EXOC6B: variants seen among roughly 807,000 people sequenced by gnomAD.
The protein encoded by EXOC6B is SEC15 homolog B.
Under a neutral mutation model 113.5 loss-of-function variants are expected in EXOC6B, and 54 were observed. The observed-to-expected ratio is 0.48, with a 90% CI of 0.38 to 0.60. The LOEUF (loss-of-function observed/expected upper bound fraction) is 0.60. EXOC6B is among the 20% of genes least tolerant of loss of function. The pLI, the probability that EXOC6B is intolerant of heterozygous loss-of-function variation, is 0.00. For synonymous variants in EXOC6B, 357 were observed against 339.0 expected, an observed-to-expected ratio of 1.05 and a Z score of -0.58; for missense variants, 797 against 977.5, an observed-to-expected ratio of 0.82 and a Z score of 2.46.
chr2:72,509,871 T>TC (rs1173402157), intron 11 of EXOC6B, among the ~76,000 whole-genome samples: 1 of 152,198 alleles, frequency 6.6e-6, no homozygotes, highest in South Asian at 2.1e-4. Flanking sequence ...TCTTGCTCTG[T>TC]CACCCAGGCT....
At chr2:72,308,795 C>T (rs1170418322) in intron 20 of EXOC6B, among the ~76,000 whole-genome samples, 1 of 152,042 alleles carries the variant, frequency 6.6e-6, no homozygotes, top group Non-Finnish European at 1.5e-5. Context: ...TCTTAACAGG[C>T]AGGCAGTTCT....
At chr2:72,342,702 G>C (rs1192502162) in intron 19 of EXOC6B, among the ~76,000 whole-genome samples, 1 of 152,138 alleles carries the variant, frequency 6.6e-6, no homozygotes, top group Non-Finnish European at 1.5e-5. Flanking sequence ...AGAATGCTGA[G>C]GTGGGAGGAC....
At chr2:72,693,693 T>G (rs1031002737) in intron 6 of EXOC6B, among the ~76,000 whole-genome samples, 5 of 152,220 alleles carry the variant, frequency 3.3e-5, no homozygotes, top group Admixed American at 6.5e-5. Context: ...TTATTGTGGC[T>G]GCTTTGTACT....
intron 5 of EXOC6B, among the ~76,000 whole-genome samples, chr2:72,720,809 T>C (rs1005968232): frequency 4.0e-5 from 6 of 150,798 alleles, no homozygotes; most frequent in Non-Finnish European, 8.9e-5. Flanking sequence ...TGTATTAATA[T>C]GAGATACAAA....
chr2:72,731,928 G>A (rs1680665892), intron 3 of EXOC6B, among the ~76,000 whole-genome samples: 1 of 152,162 alleles, frequency 6.6e-6, no homozygotes. Flanking sequence ...GAACAGTCAT[G>A]TACTACAAGT....
rs150787435 is a variant in EXOC6B, at chr2:72,204,253, T to C, written c.2197-20066A>G. Reference sequence around the variant, plus strand: ...GAGAAAGTATTGTAGGAGGCCACCGTTGTGGCAAGGCCCTGAATGTATCAG... The same window carrying C: ...GAGAAAGTATTGTAGGAGGCCACCGCTGTGGCAAGGCCCTGAATGTATCAG... On this transcript the variant is annotated intron_variant, in intron 20 of 21. Transcript: ENST00000272427. Among the ~76,000 whole-genome samples the C allele has an allele frequency of 3.7e-3, 558 of 152,270 alleles. 9 individuals are homozygous for C. Among genetic ancestry groups the C allele is most frequent in the African/African-American group, 0.013 (540 of 41,554 alleles).
At chr2:72,623,944 C>T (rs2104210439) in intron 6 of EXOC6B, among the ~76,000 whole-genome samples, 1 of 152,314 alleles carries the variant, frequency 6.6e-6, no homozygotes, top group East Asian at 1.9e-4. Context: ...GATACTGTAC[C>T]TGCAGTTCGT....
intron 11 of EXOC6B, among the ~76,000 whole-genome samples, chr2:72,509,435 C>A (rs1700778242): frequency 6.6e-6 from 1 of 152,028 alleles, no homozygotes; most frequent in African/African-American, 2.4e-5. Context: ...CAATCTCATA[C>A]CCTATGCTAA....
chr2:72,635,545 G>A (rs1041598264), intron 6 of EXOC6B, among the ~76,000 whole-genome samples: 1 of 152,022 alleles, frequency 6.6e-6, no homozygotes, highest in Admixed American at 6.6e-5. Flanking sequence ...CCTATAACTG[G>A]GAAGGAAATT....
chr2:72,370,169 AAAAC>A (rs1690909237), intron 19 of EXOC6B, among the ~76,000 whole-genome samples: 2 of 152,228 alleles, frequency 1.3e-5, no homozygotes, highest in African/African-American at 2.4e-5. Flanking sequence ...TTACAAGAAA[AAAAC>A]AAACAACCCC....
intron 17 of EXOC6B, among the ~76,000 whole-genome samples, chr2:72,475,928 C>T (rs1002399445): frequency 6.6e-6 from 1 of 152,210 alleles, no homozygotes; most frequent in Non-Finnish European, 1.5e-5. Flanking sequence ...CCCCTGGTCA[C>T]TGGCACCTAA....
chr2:72,797,744 G>A (rs1231955969), intron 1 of EXOC6B, among the ~76,000 whole-genome samples: 3 of 152,168 alleles, frequency 2.0e-5, no homozygotes, highest in Non-Finnish European at 4.4e-5. Flanking sequence ...AACCTGGGAG[G>A]CGGAGGTTGT....
intron 8 of EXOC6B, among the ~76,000 whole-genome samples, chr2:72,529,473 C>T (rs1701890586): frequency 6.6e-6 from 1 of 152,130 alleles, no homozygotes; most frequent in South Asian, 2.1e-4. Flanking sequence ...GTATTAACTT[C>T]ATAAAATGAA....
chr2:72,562,808 A>C (rs955919414), intron 7 of EXOC6B, among the ~76,000 whole-genome samples: 1 of 152,166 alleles, frequency 6.6e-6, no homozygotes, highest in Non-Finnish European at 1.5e-5. Context: ...GGAACTCAAG[A>C]CTTTAAGATA....
intron 20 of EXOC6B, among the ~76,000 whole-genome samples, chr2:72,311,014 A>G (rs966770087): frequency 6.6e-6 from 1 of 152,126 alleles, no homozygotes; most frequent in Non-Finnish European, 1.5e-5. Context: ...CTCTGTCTAA[A>G]TGCACAGACC....
intron 1 of EXOC6B, among the ~76,000 whole-genome samples, chr2:72,773,901 T>C (rs1180002998): frequency 6.6e-6 from 1 of 152,212 alleles, no homozygotes; most frequent in Non-Finnish European, 1.5e-5. Flanking sequence ...GATAATTTTA[T>C]ATAAATATTC....
intron 6 of EXOC6B, among the ~76,000 whole-genome samples, chr2:72,656,295 T>C (rs1450045723): frequency 1.3e-5 from 2 of 152,086 alleles, no homozygotes; most frequent in Non-Finnish European, 2.9e-5. Flanking sequence ...GTTCAATAAA[T>C]GAGAAAACTG....
chr2:72,320,071 G>A (rs1199237208), intron 20 of EXOC6B, among the ~76,000 whole-genome samples: 1 of 151,602 alleles, frequency 6.6e-6, no homozygotes, highest in Non-Finnish European at 1.5e-5. Context: ...TCCTGACCTC[G>A]TGATCCATCC....
intron 20 of EXOC6B, among the ~76,000 whole-genome samples, chr2:72,212,200 T>C (rs1680238475): frequency 6.6e-6 from 1 of 152,188 alleles, no homozygotes; most frequent in Non-Finnish European, 1.5e-5. Context: ...GGGGGATGTC[T>C]AGATGTAAGG....
Sources: gnomAD v4.1 joint callset for allele counts (sites outside exome capture counted in the v4.1 genomes callset) on GRCh38, gnomAD v4.1.1 for gene constraint, MANE v1.5 for transcripts, NCBI Gene and HGNC (gene_info 2026-07-23, HGNC 2026-07-21) for gene names.